Variants in MICU3 observed in about 807,000 individuals in gnomAD.
MICU3 encodes the protein calcium uptake protein 3, mitochondrial.
MICU3 carries 62 observed loss-of-function variants against 66.5 expected under a neutral mutation model. That is an observed-to-expected ratio of 0.93 (90% confidence interval 0.76 to 1.15). MICU3 has a LOEUF of 1.15. Among genes scored for constraint, MICU3 ranks in the 50% most tolerant of loss-of-function variants. The pLI, the probability that MICU3 is intolerant of heterozygous loss-of-function variation, is 0.00. For missense variants in MICU3, 779 were observed against 664.4 expected (o/e 1.17, Z -1.90); for synonymous variants, 308 against 240.7 (o/e 1.28, Z -2.59).
chr8:17,081,024 C>T (rs1052670632), intron 4 of MICU3, among the ~76,000 whole-genome samples: 1 of 152,042 alleles, frequency 6.6e-6, no homozygotes, highest in Non-Finnish European at 1.5e-5. Context: ...ATTCAAGTAA[C>T]AGAATGCACT....
chr8:17,082,601 C>G (rs944101209), intron 5 of MICU3, among the ~76,000 whole-genome samples: 1 of 152,034 alleles, frequency 6.6e-6, no homozygotes. Flanking sequence ...AACAGTGTCT[C>G]GCACATGGTA....
chr8:17,106,344 A>T (rs1801733034), intron 11 of MICU3, among the ~76,000 whole-genome samples: 1 of 151,914 alleles, frequency 6.6e-6, no homozygotes, highest in Non-Finnish European at 1.5e-5. Flanking sequence ...TCCCCTAAGG[A>T]ATGAAAAAAA....
intron 11 of MICU3, among the ~76,000 whole-genome samples, chr8:17,108,971 T>G (rs1192315292): frequency 6.6e-6 from 1 of 152,152 alleles, no homozygotes; most frequent in Non-Finnish European, 1.5e-5. Flanking sequence ...TTTGTATATG[T>G]TGTCCCCTCT....
At chr8:17,030,003 C>A (rs760742412) in intron 1 of MICU3, among the ~76,000 whole-genome samples, 4 of 152,114 alleles carry the variant, frequency 2.6e-5, no homozygotes, top group Admixed American at 6.5e-5. Flanking sequence ...ATCTTCCAAC[C>A]TTCCTACTGA....
chr8:17,040,402 A>G (rs1447716152), intron 1 of MICU3, among the ~76,000 whole-genome samples: 4 of 152,186 alleles, frequency 2.6e-5, no homozygotes, highest in African/African-American at 4.8e-5. Flanking sequence ...TCTTGCTTAT[A>G]CAGAATCATT....
chr8:17,064,309 A>AGTC, intron 2 of MICU3, 72 bp downstream of exon 2: 2 of 1,225,846 alleles, frequency 1.6e-6, no homozygotes, highest in South Asian at 1.6e-5. Context: ...TGGATGGAGC[A>AGTC]GTATAAGTTT....
At chr8:17,074,033 T>G (rs1268165458) in intron 3 of MICU3, among the ~76,000 whole-genome samples, 2 of 151,770 alleles carry the variant, frequency 1.3e-5, no homozygotes, top group East Asian at 3.9e-4. Context: ...GAGTGTATGG[T>G]GGAGTTTTCT....
At chr8:17,107,148 T>C (rs1801811526) in intron 11 of MICU3, among the ~76,000 whole-genome samples, 1 of 152,098 alleles carries the variant, frequency 6.6e-6, no homozygotes, top group Non-Finnish European at 1.5e-5. Flanking sequence ...AAATGTATGT[T>C]AGTGGAGAGA....
chr8:17,106,052 A>G (rs923620524), intron 11 of MICU3, among the ~76,000 whole-genome samples: 2 of 152,086 alleles, frequency 1.3e-5, no homozygotes, highest in Non-Finnish European at 2.9e-5. Flanking sequence ...TTTGGATGTC[A>G]TGAATGGTTA....
intron 1 of MICU3, among the ~76,000 whole-genome samples, chr8:17,046,468 A>G (rs1815110975): frequency 6.6e-6 from 1 of 152,244 alleles, no homozygotes; most frequent in African/African-American, 2.4e-5. Flanking sequence ...GGTTTTGGTA[A>G]TATAGAATCA....
At chr8:17,062,282 A>T (rs116505350) in intron 1 of MICU3, among the ~76,000 whole-genome samples, 1 of 151,888 alleles carries the variant, frequency 6.6e-6, no homozygotes, top group Non-Finnish European at 1.5e-5. Context: ...CCTTTCTTCT[A>T]TTTGCTTGCA....
the MICU3 span, among the ~76,000 whole-genome samples, chr8:17,137,330 C>T: frequency 6.6e-6 from 1 of 151,842 alleles, no homozygotes; most frequent in East Asian, 1.9e-4. Context: ...AAGCAGTAAA[C>T]ATCATACTAA....
At chr8:17,042,931 ATT>A (rs996846253) in intron 1 of MICU3, among the ~76,000 whole-genome samples, 4 of 82,152 alleles carry the variant, frequency 4.9e-5, no homozygotes, top group African/African-American at 2.3e-4. Flanking sequence ...ATTCAAAGTG[ATT>A]TTTTTTTTTT....
the MICU3 span, among the ~76,000 whole-genome samples, chr8:17,133,833 C>G: frequency 1.5e-4 from 23 of 152,202 alleles, no homozygotes; most frequent in African/African-American, 5.5e-4. Flanking sequence ...AAATCTATTT[C>G]AGCATACTCC....
At chr8:17,083,260 G>C (rs1009175218) in intron 5 of MICU3, among the ~76,000 whole-genome samples, 3 of 152,008 alleles carry the variant, frequency 2.0e-5, no homozygotes, top group Non-Finnish European at 4.4e-5. Flanking sequence ...ATCAAGTGTG[G>C]GGTCTGCAAA....
At chr8:17,087,499 A>T (rs1799599523) in intron 7 of MICU3, among the ~76,000 whole-genome samples, 1 of 152,008 alleles carries the variant, frequency 6.6e-6, no homozygotes, top group Non-Finnish European at 1.5e-5. Flanking sequence ...TAATATTTTC[A>T]TCTTTTTCTG....
the MICU3 span, among the ~76,000 whole-genome samples, chr8:17,130,455 G>A: frequency 2.6e-5 from 4 of 151,914 alleles, no homozygotes; most frequent in African/African-American, 9.7e-5. Flanking sequence ...TGAGGTGGAG[G>A]TTGCAGTGAG....
At chr8:17,055,595 CCACTTCTAGGCCTGGCCTATAAAAG>C (rs1186656529) in intron 1 of MICU3, among the ~76,000 whole-genome samples, 5 of 152,222 alleles carry the variant, frequency 3.3e-5, no homozygotes, top group Admixed American at 3.3e-4. Context: ...GTGATTTGCA[CCACTTCTAGGCCTGGCCTATAAAAG>C]CTTCTCACAT....
Position 17,120,621 on chromosome 8 carries a change from A to G in MICU3, c.*334A>G, listed in dbSNP as rs1803130225. On this transcript the variant is annotated 3_prime_UTR_variant, in exon 15 of 15. Coordinates refer to ENST00000318063, the MANE Select transcript of MICU3 (RefSeq NM_181723.3). The stretch of plus-strand genomic sequence containing the variant: ...TTCAATATTATTTTTTTATTTATTC[A>G]TTAGAAATTTTCCTCATTTCAAAAT... 6.6e-6 allele frequency: 1 copy of G among 152,414 alleles called. No homozygotes were observed. The highest frequency in any genetic ancestry group is 1.5e-5 in the Non-Finnish European group (1 of 67,926). The allele number at this position is 152,414 out of a possible 1,614,324, so 9.4% of individuals were successfully genotyped here. A position where few individuals can be genotyped will look rare whatever the true frequency, so the allele number is the denominator to read the frequency against.
Sources: gnomAD v4.1 joint callset for allele counts (sites outside exome capture counted in the v4.1 genomes callset) on GRCh38, gnomAD v4.1.1 for gene constraint, MANE v1.5 for transcripts, NCBI Gene and HGNC (gene_info 2026-07-23, HGNC 2026-07-21) for gene names.